Variants in TGFBR1 observed in about 807,000 individuals in gnomAD.
TGFBR1 encodes transforming growth factor beta receptor 1.
Under a neutral mutation model 55.1 loss-of-function variants are expected in TGFBR1, and 20 were observed. The observed-to-expected ratio is 0.36, with a 90% CI of 0.26 to 0.53. The LOEUF is 0.53. Among genes scored for constraint, TGFBR1 ranks in the 20% least tolerant of loss-of-function variants. The pLI, the probability that TGFBR1 is intolerant of heterozygous loss-of-function variation, is 0.91. For missense variants in TGFBR1, 385 were observed against 617.6 expected, an observed-to-expected ratio of 0.62 and a Z score of 3.99; for synonymous variants, 220 against 214.8, an observed-to-expected ratio of 1.02 and a Z score of -0.21.
rs1827939021 is a variant in TGFBR1, at chr9:99,150,140, A to G, written c.*835A>G. 1 of 188,838 alleles carries G rather than the reference A, an allele frequency of 5.3e-6. No individual in the cohort carries two copies. Among genetic ancestry groups the G allele is most frequent in the South Asian group, 1.9e-4 (1 of 5,152 alleles). 11.7% of individuals were successfully genotyped at this position (188,838 alleles called of 1,614,324 possible). ...TTCTGAAAATGCCTTTCTCCTACCA[A>G]AATGTGCTTAAGCCACTAAAGAAAT... On this transcript the variant is annotated 3_prime_UTR_variant, in exon 9 of 9. Transcript: ENST00000374994.
chr9:99,140,309 G>T lies in TGFBR1; in HGVS notation c.805+2220G>T, dbSNP rs113670766. 4.4e-3 allele frequency among the ~76,000 whole-genome samples: 664 copies of T among 152,182 alleles called. 1 individual carries two copies. Among genetic ancestry groups the T allele is most frequent in the Non-Finnish European group, 6.3e-3 (426 of 67,998 alleles). On this transcript the variant is annotated intron_variant, in intron 4 of 8. Coordinates refer to ENST00000374994, the MANE Select transcript of TGFBR1 (RefSeq NM_004612.4). The stretch of plus-strand genomic sequence containing the variant: ...CTCTACTAAAAATACAAAAAAATTA[G>T]CCAGGCATGATGGCAGGTGCCTATA...
At chr9:99,123,350 T>TA (rs748093454) in intron 1 of TGFBR1, among the ~76,000 whole-genome samples, 1 of 152,136 alleles carries the variant, frequency 6.6e-6, no homozygotes, top group African/African-American at 2.4e-5. Flanking sequence ...TGCCCACTGT[T>TA]AAAGACTGGG....
chr9:99,142,717 C>T lies in TGFBR1; in HGVS notation c.973+14C>T, dbSNP rs753719687. The T allele has an allele frequency of 6.2e-7, 1 of 1,613,472 alleles. No homozygotes were observed. Among genetic ancestry groups the T allele is most frequent in the Non-Finnish European group, 8.5e-7 (1 of 1,179,488 alleles). ...TTGGTACCCAAGGTAATTCTATAAG[C>T]AGTTCTATTATTTAAGCTTTAAATT... On this transcript the variant is annotated intron_variant, in intron 5 of 8. Coordinates refer to ENST00000374994, the MANE Select transcript of TGFBR1 (RefSeq NM_004612.4).
At chr9:99,128,552 C>G in intron 1 of TGFBR1, 1 of 420,312 alleles carries the variant, frequency 2.4e-6, no homozygotes, top group Non-Finnish European at 4.5e-6. Flanking sequence ...AAGGCAAATG[C>G]TTGCCTTGCT....
chr9:99,133,022 A>G (rs1329199324), intron 3 of TGFBR1, among the ~76,000 whole-genome samples: 1 of 152,218 alleles, frequency 6.6e-6, no homozygotes, highest in Non-Finnish European at 1.5e-5. Context: ...TTTGCTTTTC[A>G]TCACTGTGAG....
intron 2 of TGFBR1, among the ~76,000 whole-genome samples, chr9:99,130,089 A>G (rs1827174577): frequency 1.3e-5 from 2 of 152,342 alleles, no homozygotes; most frequent in Admixed American, 1.3e-4. Flanking sequence ...TGCTAGTGGG[A>G]TTAATGGTAG....
intron 1 of TGFBR1, among the ~76,000 whole-genome samples, chr9:99,126,550 A>G (rs909952531): frequency 2.6e-5 from 4 of 152,188 alleles, no homozygotes; most frequent in African/African-American, 9.7e-5. Flanking sequence ...GAGAATTATG[A>G]CAATGTCCTT....
At chr9:99,127,871 G>T in intron 1 of TGFBR1, 1 of 450,658 alleles carries the variant, frequency 2.2e-6, no homozygotes, top group Non-Finnish European at 4.5e-6. Context: ...GATTCAACAA[G>T]TATTTTTTGA....
At chr9:99,141,407 T>G (rs1827612852) in intron 4 of TGFBR1, among the ~76,000 whole-genome samples, 1 of 152,230 alleles carries the variant, frequency 6.6e-6, no homozygotes, top group Admixed American at 6.5e-5. Flanking sequence ...ACCAAATACC[T>G]TCAAAATAGA....
intron 2 of TGFBR1, among the ~76,000 whole-genome samples, chr9:99,132,278 C>T (rs1360460889): frequency 1.3e-5 from 2 of 152,068 alleles, no homozygotes; most frequent in African/African-American, 2.4e-5. Flanking sequence ...CTGAAGAATA[C>T]AGGAGTAAGT....
intron 3 of TGFBR1, among the ~76,000 whole-genome samples, chr9:99,134,802 T>TTTTATATATATATATATATATATA (rs1554700023): frequency 9.7e-5 from 4 of 41,368 alleles, no homozygotes; most frequent in Non-Finnish European, 1.7e-4. Context: ...TCTGTTTCCA[T>TTTTATATATATATATATATATATA]TATATATATA....
intron 1 of TGFBR1, among the ~76,000 whole-genome samples, chr9:99,117,991 A>G (rs1045247345): frequency 1.3e-5 from 2 of 152,160 alleles, no homozygotes; most frequent in Non-Finnish European, 1.5e-5. Context: ...ATACATTTTA[A>G]AATTTTATTT....
chr9:99,150,797 A>G lies in TGFBR1; in HGVS notation c.*1492A>G, dbSNP rs1215899859. 4.6e-6 allele frequency: 1 copy of G among 218,070 alleles called. No homozygotes were observed. Among genetic ancestry groups the G allele is most frequent in the Non-Finnish European group, 9.2e-6 (1 of 108,228 alleles). The allele number at this position is 218,070 out of a possible 1,614,324, so 13.5% of individuals were successfully genotyped here. A position where few individuals can be genotyped will look rare whatever the true frequency, so the allele number is the denominator to read the frequency against. On this transcript the variant is annotated 3_prime_UTR_variant, in exon 9 of 9. Transcript: ENST00000374994. The stretch of plus-strand genomic sequence containing the variant: ...TCCATTTACAGATGTCTTTGGTCAA[A>G]TATTGAAAGCAAACTTGTCATGGTC...
In TGFBR1 at chr9:99,120,247, A is replaced by G. The variant is rs11466454; in HGVS notation, c.98-8608A>G. On this transcript the variant is annotated intron_variant, in intron 1 of 8. Transcript: ENST00000374994. ...GTTTTTCTGTCTCTGAGTTCCATCA[A>G]CTTAACTACCATATCCTTATAATAC... Among the ~76,000 whole-genome samples the G allele has an allele frequency of 1.0e-3, 154 of 152,340 alleles. 1 individual carries two copies. The highest frequency in any genetic ancestry group is 3.5e-3 in the African/African-American group (146 of 41,584).
At chr9:99,141,605 C>CGT (rs2118765790) in intron 4 of TGFBR1, among the ~76,000 whole-genome samples, 1 of 152,256 alleles carries the variant, frequency 6.6e-6, no homozygotes, top group South Asian at 2.1e-4. Flanking sequence ...ACAGGCAGGC[C>CGT]GTGGATTCCA....
At chr9:99,106,852 A>G (rs1826429784) in intron 1 of TGFBR1, among the ~76,000 whole-genome samples, 1 of 152,216 alleles carries the variant, frequency 6.6e-6, no homozygotes, top group Non-Finnish European at 1.5e-5. Flanking sequence ...CTCTTAGCAC[A>G]TTGTTGAGTC....
intron 4 of TGFBR1, among the ~76,000 whole-genome samples, chr9:99,138,871 C>T (rs1827522915): frequency 2.6e-5 from 4 of 151,972 alleles, no homozygotes; most frequent in Admixed American, 6.6e-5. Flanking sequence ...AATCTCGGCT[C>T]ACTGCAGCTT....
intron 1 of TGFBR1, 95 bp from the exon 2 acceptor site, chr9:99,128,760 A>G: frequency 4.0e-6 from 6 of 1,506,622 alleles, no homozygotes; most frequent in Non-Finnish European, 5.5e-6. Flanking sequence ...AAATTGTGTG[A>G]TAATAGGATC....
chr9:99,136,157 T>C (rs952289855), intron 3 of TGFBR1, among the ~76,000 whole-genome samples: 1 of 152,174 alleles, frequency 6.6e-6, no homozygotes, highest in Admixed American at 6.5e-5. Context: ...GCCTGGCCAA[T>C]TGTTAACTTT....
Sources: allele counts gnomAD v4.1 joint callset (sites outside exome capture counted in the v4.1 genomes callset), GRCh38; gene constraint gnomAD v4.1.1; transcripts MANE v1.5; gene names NCBI Gene and HGNC (gene_info 2026-07-23, HGNC 2026-07-21).